Variants in CUX1 observed in about 807,000 individuals in gnomAD.
CUX1 encodes cut like homeobox 1.
CUX1 carries 31 observed loss-of-function variants against 158.8 expected under a neutral mutation model. The observed-to-expected ratio is 0.20, with a 90% CI of 0.15 to 0.26. The LOEUF (loss-of-function observed/expected upper bound fraction) is 0.26, where lower values mean the gene tolerates loss of function less well. Ranked by LOEUF, CUX1 falls within the 10% of genes least tolerant of loss-of-function variation. The pLI is 1.00. For synonymous variants in CUX1, 879 were observed against 862.1 expected (o/e 1.02, Z -0.34); for missense variants, 1,589 against 2,014.6 (o/e 0.79, Z 4.04).
At chr7:101,978,397 C>T (rs1812986279) in intron 2 of CUX1, among the ~76,000 whole-genome samples, 1 of 152,194 alleles carries the variant, frequency 6.6e-6, no homozygotes, top group Non-Finnish European at 1.5e-5. Flanking sequence ...TCCCCCTCCT[C>T]TCCCCCGACA....
chr7:102,202,295 A>G lies in CUX1; in HGVS notation c.2907+91A>G, dbSNP rs1795530241. On this transcript the variant is annotated intron_variant, in intron 18 of 23. Transcript: ENST00000292535. ...ATCCCGCAGCCTGTGACCCTCACCC[A>G]TTTCAATTCACCCAAGAGCAGAGCG... 5.4e-6 allele frequency: 8 copies of G among 1,488,784 alleles called. No individual in the cohort carries two copies. The African/African-American group carries it at 9.8e-5, about 18-fold the overall frequency. 92.2% of individuals were successfully genotyped at this position (1,488,784 alleles called of 1,614,324 possible). A position where few individuals can be genotyped will look rare whatever the true frequency, so the allele number is the denominator to read the frequency against.
rs869202667 is a variant in CUX1, at chr7:102,073,165, CTT to C, written c.268+2771_268+2772del. 2.9e-3 allele frequency among the ~76,000 whole-genome samples: 193 copies of C among 66,866 alleles called. 3 individuals carry two copies. The highest frequency in any genetic ancestry group is 0.012 in the African/African-American group (184 of 15,578). 43.9% of individuals were successfully genotyped at this position (66,866 alleles called of 152,430 possible). ...AAATAATATGTAATCTCTTTTCTTT[CTT>C]TTTTTTTTTTTTTTTTTTTTTTCTG... is the stretch of plus-strand genomic sequence containing the variant. On this transcript the variant is annotated intron_variant, in intron 4 of 23. Coordinates refer to ENST00000292535, the MANE Select transcript of CUX1 (RefSeq NM_181552.4).
Position 101,965,710 on chromosome 7 carries a change from G to A in CUX1, c.141+49485G>A, listed in dbSNP as rs372186456. On this transcript the variant is annotated intron_variant, in intron 2 of 23. Transcript: ENST00000292535. ...AAAATACAAAAAAAATTAGCGGGGC[G>A]TGGTGGCAGGCGCCTGTAGTCCCAG... 6.0e-3 allele frequency among the ~76,000 whole-genome samples: 907 copies of A among 151,670 alleles called. 6 individuals are homozygous for A. The highest frequency in any genetic ancestry group is 0.021 in the African/African-American group (854 of 41,290).
intron 20 of CUX1, among the ~76,000 whole-genome samples, chr7:102,213,456 C>T (rs931884621): frequency 2.6e-5 from 4 of 152,186 alleles, no homozygotes; most frequent in East Asian, 3.9e-4. Flanking sequence ...ACACAGCCGG[C>T]GAGGCTGAGG....
chr7:102,222,530 C>T (rs1430190189), intron 20 of CUX1, among the ~76,000 whole-genome samples: 1 of 152,118 alleles, frequency 6.6e-6, no homozygotes, highest in Non-Finnish European at 1.5e-5. Context: ...TGCAGACGCC[C>T]TCAGCTCGCT....
At chr7:102,148,195 G>A (rs1440316016) in intron 8 of CUX1, among the ~76,000 whole-genome samples, 1 of 152,096 alleles carries the variant, frequency 6.6e-6, no homozygotes, top group Non-Finnish European at 1.5e-5. Flanking sequence ...CAGGAGGGCT[G>A]AGACCCAGGC....
intron 9 of CUX1, among the ~76,000 whole-genome samples, chr7:102,159,078 C>T (rs1465349897): frequency 2.4e-5 from 3 of 125,122 alleles, no homozygotes; most frequent in African/African-American, 6.2e-5. Context: ...CATCTCACCA[C>T]GGTGTTATCC....
chr7:101,930,720 G>C (rs1806189970), intron 2 of CUX1, among the ~76,000 whole-genome samples: 1 of 152,170 alleles, frequency 6.6e-6, no homozygotes, highest in African/African-American at 2.4e-5. Flanking sequence ...GGATCTGGAA[G>C]CTTAGATTGT....
intron 3 of CUX1, among the ~76,000 whole-genome samples, chr7:102,063,215 T>C (rs553464936): frequency 6.6e-6 from 1 of 151,988 alleles, no homozygotes; most frequent in Non-Finnish European, 1.5e-5. Context: ...TTAGTGCAGA[T>C]GTGCGGGTCA....
chr7:101,860,774 TTCCTTCCTTCCC>T (rs999528258), intron 1 of CUX1, among the ~76,000 whole-genome samples: 4 of 136,166 alleles, frequency 2.9e-5, no homozygotes, highest in African/African-American at 1.2e-4. Context: ...CCTTCCTTCC[TTCCTTCCTTCCC>T]TCCTTCCCCT....
intron 2 of CUX1, among the ~76,000 whole-genome samples, chr7:102,015,199 G>A (rs181335285): frequency 6.6e-6 from 1 of 152,228 alleles, no homozygotes. Context: ...AAATCAAACT[G>A]GAACTGCAAA....
At chr7:101,820,985 C>T (rs370855480) in intron 1 of CUX1, among the ~76,000 whole-genome samples, 1 of 152,284 alleles carries the variant, frequency 6.6e-6, no homozygotes, top group East Asian at 1.9e-4. Context: ...ACAAAGCAGT[C>T]GTGCTGGGCG....
At chr7:102,037,501 C>T (rs1315347494) in intron 3 of CUX1, among the ~76,000 whole-genome samples, 3 of 151,612 alleles carry the variant, frequency 2.0e-5, no homozygotes, top group African/African-American at 7.3e-5. Context: ...TACAAGCATG[C>T]GCCACCACGC....
At chr7:101,992,348 G>A (rs1328437916) in intron 2 of CUX1, among the ~76,000 whole-genome samples, 1 of 152,068 alleles carries the variant, frequency 6.6e-6, no homozygotes, top group Non-Finnish European at 1.5e-5. Context: ...ATGGCCTTCT[G>A]CAGTTAAAAC....
Position 102,252,599 on chromosome 7 carries a change from G to C in CUX1, c.*3557G>C. 1 of 985,422 alleles carries C rather than the reference G, an allele frequency of 1.0e-6. No homozygotes were observed. The highest frequency in any genetic ancestry group is 1.2e-6 in the Non-Finnish European group (1 of 829,938). The allele number at this position is 985,422 out of a possible 1,614,324, so 61.0% of individuals were successfully genotyped here. On this transcript the variant is annotated 3_prime_UTR_variant, in exon 24 of 24. Coordinates refer to ENST00000292535, the MANE Select transcript of CUX1 (RefSeq NM_181552.4). ...AGCAGAGGCTCGGGGTAAAATCAGT[G>C]TTTGCATTTAGCCTCTTGACCCGGA...
At chr7:102,160,445 T>G (rs1790311440) in intron 9 of CUX1, among the ~76,000 whole-genome samples, 1 of 152,084 alleles carries the variant, frequency 6.6e-6, no homozygotes, top group Non-Finnish European at 1.5e-5. Flanking sequence ...CTAAGAAGTT[T>G]GGCAAAGCGA....
intron 1 of CUX1, among the ~76,000 whole-genome samples, chr7:101,865,680 G>C (rs1584807953): frequency 6.6e-6 from 1 of 152,238 alleles, no homozygotes; most frequent in African/African-American, 2.4e-5. Flanking sequence ...GCCGAAGGGT[G>C]TGCGTGCACC....
At chr7:101,970,337 G>A (rs975695138) in intron 2 of CUX1, among the ~76,000 whole-genome samples, 1 of 151,962 alleles carries the variant, frequency 6.6e-6, no homozygotes, top group Non-Finnish European at 1.5e-5. Flanking sequence ...AGACAGAGCC[G>A]CCTGACCCTT....
intron 4 of CUX1, among the ~76,000 whole-genome samples, chr7:102,093,188 C>T (rs1585634781): frequency 7.1e-6 from 1 of 140,978 alleles, no homozygotes; most frequent in African/African-American, 2.6e-5. Context: ...GACAGGGTCT[C>T]ACTCTGTCCC....
Sources: gnomAD v4.1 joint callset for allele counts (sites outside exome capture counted in the v4.1 genomes callset) on GRCh38, gnomAD v4.1.1 for gene constraint, MANE v1.5 for transcripts, NCBI Gene and HGNC (gene_info 2026-07-23, HGNC 2026-07-21) for gene names.